SLC26A8: variants seen among roughly 807,000 people sequenced by gnomAD.
SLC26A8 encodes solute carrier family 26 member 8, also known as testis anion transporter 1.
A neutral mutation model predicts 105.0 loss-of-function variants in SLC26A8; 70 were observed. That is an observed-to-expected ratio of 0.67 (90% CI 0.55 to 0.81). SLC26A8 has a LOEUF of 0.81. SLC26A8 is among the 40% of genes least tolerant of loss of function. SLC26A8 has a pLI of 0.00. For synonymous variants in SLC26A8, 415 were observed against 438.3 expected (o/e 0.95, Z 0.66); for missense variants, 998 against 1,181.8 (o/e 0.84, Z 2.28).
chr6:36,000,145 C>A, intron 3 of SLC26A8, 37 bp from the exon 4 acceptor site: 1 of 1,343,156 alleles, frequency 7.4e-7, no homozygotes, highest in Non-Finnish European at 1.1e-6. Flanking sequence ...AGCAGCTTGT[C>A]TTTAAAAGTC....
intron 3 of SLC26A8, among the ~76,000 whole-genome samples, chr6:36,009,287 G>A (rs1761779654): frequency 3.3e-5 from 5 of 152,104 alleles, no homozygotes; most frequent in Admixed American, 3.3e-4. Context: ...GGTGGCAGAG[G>A]TTGTAGTGAG....
At chr6:36,009,419 G>A (rs1195415030) in intron 3 of SLC26A8, among the ~76,000 whole-genome samples, 1 of 151,878 alleles carries the variant, frequency 6.6e-6, no homozygotes, top group Non-Finnish European at 1.5e-5. Flanking sequence ...GTCTATATGT[G>A]TAATAATAAA....
intron 3 of SLC26A8, among the ~76,000 whole-genome samples, chr6:36,008,899 G>A (rs578046540): frequency 6.6e-6 from 1 of 152,292 alleles, no homozygotes; most frequent in African/African-American, 2.4e-5. Context: ...CAGAGCAACT[G>A]GATCACTGAT....
At chr6:36,019,044 A>C (rs1762063635) in intron 2 of SLC26A8, among the ~76,000 whole-genome samples, 1 of 152,178 alleles carries the variant, frequency 6.6e-6, no homozygotes, top group South Asian at 2.1e-4. Context: ...CTCATGCCTC[A>C]GCCTCTTGAG....
At chr6:35,963,103 C>G (rs1201025847) in intron 11 of SLC26A8, among the ~76,000 whole-genome samples, 1 of 152,146 alleles carries the variant, frequency 6.6e-6, no homozygotes, top group African/African-American at 2.4e-5. Context: ...GTTCATTACT[C>G]ACATAGACAG....
At chr6:35,986,332 A>G (rs747302547) in intron 7 of SLC26A8, among the ~76,000 whole-genome samples, 38 of 152,168 alleles carry the variant, frequency 2.5e-4, no homozygotes, top group African/African-American at 8.7e-4. Context: ...CCATGCCTAC[A>G]TATCTTTTTT....
intron 3 of SLC26A8, among the ~76,000 whole-genome samples, chr6:36,001,318 TG>T (rs1761516180): frequency 6.6e-6 from 1 of 152,058 alleles, no homozygotes; most frequent in Admixed American, 6.6e-5. Flanking sequence ...TTAGTAGAGA[TG>T]GGGTTTCACC....
At chr6:35,952,011 CAA>C (rs1771895336) in intron 17 of SLC26A8, among the ~76,000 whole-genome samples, 2 of 152,172 alleles carry the variant, frequency 1.3e-5, no homozygotes, top group African/African-American at 4.8e-5. Flanking sequence ...GCTGGGAATG[CAA>C]AAGAGAATCA....
intron 11 of SLC26A8, among the ~76,000 whole-genome samples, chr6:35,968,605 GTGTGTATATATA>G (rs1237466776): frequency 4.1e-3 from 221 of 53,830 alleles, no homozygotes; most frequent in East Asian, 0.016. Flanking sequence ...GTGTGTGTGT[GTGTGTATATATA>G]TATATATATA....
rs1423652509 is a variant in SLC26A8 at position 35,951,235 on chromosome 6, G to C, written c.2400C>G (p.Val800=). ...DAVLFALSRK[V]IGSSELSIDE... is the part of the protein sequence containing the mutation. ...CGATGCTTAACTCAGAGGAGCCTAT[G>C]ACCTTCCTTGACAAGGCAAACAGCA... Residue 800 remains valine, a synonymous_variant, in exon 19 of 20, where the codon GTC becomes GTG. Transcript: ENST00000490799. 1 of 1,613,894 alleles carries C rather than the reference G, an allele frequency of 6.2e-7. No homozygotes were observed. Among genetic ancestry groups the C allele is most frequent in the African/African-American group, 1.3e-5 (1 of 74,860 alleles).
intron 11 of SLC26A8, among the ~76,000 whole-genome samples, chr6:35,963,171 C>G (rs1176319708): frequency 6.6e-6 from 1 of 152,064 alleles, no homozygotes; most frequent in East Asian, 1.9e-4. Flanking sequence ...TGAGCAGGCC[C>G]CGGAGACAAA....
intron 9 of SLC26A8, 109 bp downstream of exon 9, chr6:35,977,095 C>T (rs1400059503): frequency 6.4e-6 from 8 of 1,243,888 alleles, no homozygotes; most frequent in East Asian, 4.9e-5. Context: ...CTGTCCAAAC[C>T]ATGGTCCAAG....
chr6:36,010,536 CTT>C (rs1173055463), intron 3 of SLC26A8, among the ~76,000 whole-genome samples: 15 of 118,264 alleles, frequency 1.3e-4, no homozygotes, highest in Admixed American at 1.8e-4. Context: ...TATATGTATT[CTT>C]TTTTTTTTTT....
intron 11 of SLC26A8, 82 bp downstream of exon 11, chr6:35,968,795 C>A (rs1772660815): frequency 2.7e-6 from 1 of 369,244 alleles, no homozygotes; most frequent in Non-Finnish European, 4.2e-6. Context: ...CCCCCAGCCC[C>A]TTACCCCCCG....
At chr6:36,015,792 G>A (rs1761980655) in intron 2 of SLC26A8, among the ~76,000 whole-genome samples, 1 of 150,976 alleles carries the variant, frequency 6.6e-6, no homozygotes, top group Admixed American at 6.6e-5. Flanking sequence ...GCGGACAAAG[G>A]AGAATGTCTC....
intron 2 of SLC26A8, among the ~76,000 whole-genome samples, chr6:36,016,428 G>C (rs576366845): frequency 6.4e-4 from 97 of 152,138 alleles, no homozygotes; most frequent in African/African-American, 2.1e-3. Flanking sequence ...TATGAATGTT[G>C]GCAACAAAAC....
chr6:36,009,855 G>A (rs1018297977), intron 3 of SLC26A8, among the ~76,000 whole-genome samples: 2 of 152,184 alleles, frequency 1.3e-5, no homozygotes, highest in African/African-American at 4.8e-5. Context: ...ACTGGGTAAA[G>A]GGTACATGGG....
intron 3 of SLC26A8, among the ~76,000 whole-genome samples, chr6:36,011,374 C>T (rs919684341): frequency 2.0e-5 from 3 of 152,218 alleles, no homozygotes; most frequent in African/African-American, 7.2e-5. Flanking sequence ...CATAGTGACT[C>T]TTACAACTGG....
Position 36,019,581 on chromosome 6 carries a change from C to G in SLC26A8, c.127G>C (p.Ala43Pro). Residue 43 changes from alanine to proline, a missense_variant, in exon 2 of 20, where the codon GCC (alanine) becomes CCC (proline). Physicochemically the swap from Ala to Pro is conservative, Grantham distance 27 (BLOSUM62 -1). Coordinates refer to ENST00000490799, the MANE Select transcript of SLC26A8 (RefSeq NM_052961.4). ...ATGTTCATGTTCCCAGAAGAGGAGG[C>G]CTTCCTTTTGTGTTCCTGTTGAAAG... The part of the protein sequence containing the change: ...ETFQQEHKRK[A>P]SSSGNMNINI... The G allele has an allele frequency of 6.2e-7, 1 of 1,614,106 alleles. No individual in the cohort carries two copies. The highest frequency in any genetic ancestry group is 8.5e-7 in the Non-Finnish European group (1 of 1,180,018).
Sources: allele counts gnomAD v4.1 joint callset (sites outside exome capture counted in the v4.1 genomes callset), GRCh38; gene constraint gnomAD v4.1.1; transcripts MANE v1.5; gene names NCBI Gene and HGNC (gene_info 2026-07-23, HGNC 2026-07-21).